Variants in UBE4B observed in about 807,000 individuals in gnomAD.
UBE4B encodes ubiquitin conjugation factor E4 B.
Under a neutral mutation model 148.1 loss-of-function variants are expected in UBE4B, and 27 were observed. That is an observed-to-expected ratio of 0.18 (90% CI 0.13 to 0.25). The LOEUF (loss-of-function observed/expected upper bound fraction) is 0.25. Among genes scored for constraint, UBE4B ranks in the 10% least tolerant of loss-of-function variants. UBE4B has a pLI of 1.00. For missense variants in UBE4B, 1,170 were observed against 1,662.4 expected, an observed-to-expected ratio of 0.70 and a Z score of 5.15; for synonymous variants, 596 against 619.3, an observed-to-expected ratio of 0.96 and a Z score of 0.56.
At chr1:10,072,825 A>G in intron 2 of UBE4B, 2 of 199,626 alleles carry the variant, frequency 1.0e-5, no homozygotes, top group Non-Finnish European at 2.0e-5. Flanking sequence ...TTTTCTATCA[A>G]ATATAGTATT....
At chr1:10,142,833 C>T (rs530008628) in intron 17 of UBE4B, among the ~76,000 whole-genome samples, 1 of 152,120 alleles carries the variant, frequency 6.6e-6, no homozygotes, top group African/African-American at 2.4e-5. Flanking sequence ...ATCTTTAGAT[C>T]TCCTTCGCTT....
chr1:10,171,305 C>A lies in UBE4B; in HGVS notation c.3501C>A (p.Phe1167Leu). 3 of 1,613,616 alleles carry A rather than the reference C, an allele frequency of 1.9e-6. No individual in the cohort carries two copies. The highest frequency in any genetic ancestry group is 2.5e-6 in the Non-Finnish European group (3 of 1,179,770). Residue 1167 changes from phenylalanine to leucine, a missense_variant, in exon 25 of 28, where the codon TTC (phenylalanine) becomes TTA (leucine). Phe to Leu is a conservative substitution (Grantham distance 22). This residue lies in a region of UBE4B where 348 missense variants were observed against 627.2 expected (regional missense o/e 0.55). Transcript: ENST00000343090. ...DIYLQLDCAR[F>L]AKAIADDQRS... Reference sequence around the variant, plus strand: ...ACTTACAGCTGGACTGTGCTCGGTTCGCGAAAGCCATTGCTGACGACCAGG... The same window carrying A: ...ACTTACAGCTGGACTGTGCTCGGTTAGCGAAAGCCATTGCTGACGACCAGG...
intron 2 of UBE4B, among the ~76,000 whole-genome samples, chr1:10,076,247 C>CTTTTTT (rs369214323): frequency 7.6e-6 from 1 of 131,650 alleles, no homozygotes. Flanking sequence ...TTCTTTCTTT[C>CTTTTTT]TTTTTTTTTT....
intron 1 of UBE4B, among the ~76,000 whole-genome samples, chr1:10,053,340 G>A (rs1007701903): frequency 3.3e-5 from 5 of 151,896 alleles, no homozygotes; most frequent in Non-Finnish European, 7.4e-5. Flanking sequence ...TAGTAGAGAC[G>A]GGGTTTCACT....
In UBE4B at chr1:10,132,364, T is replaced by C; in HGVS notation, c.1912-5T>C. 1 of 1,603,794 alleles carries C rather than the reference T, an allele frequency of 6.2e-7. No homozygotes were observed. ...TTGTTTCTTCTTTTTAAAAATAAATTTCAGCAAGAGCTTTTTAAGATTCTG... is the reference window on the plus strand; with the variant it reads ...TTGTTTCTTCTTTTTAAAAATAAATCTCAGCAAGAGCTTTTTAAGATTCTG... On this transcript the variant is annotated splice_polypyrimidine_tract_variant and splice_region_variant and intron_variant, in intron 14 of 27. Transcript: ENST00000343090.
chr1:10,075,919 A>G (rs1387675426), intron 2 of UBE4B, among the ~76,000 whole-genome samples: 1 of 152,072 alleles, frequency 6.6e-6, no homozygotes, highest in East Asian at 1.9e-4. Context: ...TGGTGCACAC[A>G]TGTAGTCCCA....
chr1:10,163,627 C>G (rs1028140454), intron 23 of UBE4B, among the ~76,000 whole-genome samples: 4 of 151,936 alleles, frequency 2.6e-5, no homozygotes, highest in Admixed American at 2.0e-4. Flanking sequence ...AAGATCGCAC[C>G]ACTGCACTCC....
chr1:10,046,235 T>C (rs1643909815), intron 1 of UBE4B, among the ~76,000 whole-genome samples: 1 of 152,156 alleles, frequency 6.6e-6, no homozygotes, highest in Non-Finnish European at 1.5e-5. Context: ...AGAAATAGTT[T>C]TTCTTGGGCA....
At chr1:10,094,822 G>A (rs760152395) in intron 2 of UBE4B, among the ~76,000 whole-genome samples, 1 of 151,870 alleles carries the variant, frequency 6.6e-6, no homozygotes, top group African/African-American at 2.4e-5. Context: ...ATGGAGTCTC[G>A]CTCTGTCACC....
intron 10 of UBE4B, among the ~76,000 whole-genome samples, chr1:10,125,649 A>G (rs1193343212): frequency 1.3e-5 from 2 of 152,208 alleles, no homozygotes; most frequent in South Asian, 2.1e-4. Context: ...GTTGTTTACA[A>G]CATTTCTATT....
rs1269541344 is a variant in UBE4B, at chr1:10,040,942, A to G, written c.24+7248A>G. ...GCCTAACATCCCCACCTCTTTGACC[A>G]TTTCTTCCCTTGTAACAGGCCTGAG... On this transcript the variant is annotated intron_variant, in intron 1 of 27. Coordinates refer to ENST00000343090, the MANE Select transcript of UBE4B (RefSeq NM_001105562.3). 2.0e-5 allele frequency among the ~76,000 whole-genome samples: 3 copies of G among 151,716 alleles called. No homozygotes were observed. The East Asian group carries it at 5.8e-4, about 29-fold the overall frequency.
intron 2 of UBE4B, among the ~76,000 whole-genome samples, chr1:10,086,095 C>A (rs1282118359): frequency 6.6e-6 from 1 of 152,144 alleles, no homozygotes; most frequent in Non-Finnish European, 1.5e-5. Flanking sequence ...CTTCAGCCTC[C>A]CGAGTAGCTG....
intron 15 of UBE4B, among the ~76,000 whole-genome samples, chr1:10,133,567 C>T (rs572504572): frequency 6.6e-6 from 1 of 152,070 alleles, no homozygotes; most frequent in African/African-American, 2.4e-5. Flanking sequence ...GAAACAATGT[C>T]ACATGATAAG....
intron 1 of UBE4B, among the ~76,000 whole-genome samples, chr1:10,064,393 GAGGAATTGT>G (rs1193241964): frequency 1.3e-5 from 2 of 152,166 alleles, no homozygotes; most frequent in Non-Finnish European, 2.9e-5. Context: ...TCGCATCTCC[GAGGAATTGT>G]AGTATTTCTA....
intron 21 of UBE4B, 84 bp downstream of exon 21, chr1:10,151,645 C>G: frequency 8.5e-7 from 1 of 1,174,960 alleles, no homozygotes; most frequent in Non-Finnish European, 1.2e-6. Flanking sequence ...TTGCTCTAAG[C>G]CTGTTACCTA....
chr1:10,056,482 G>C (rs1370528251), intron 1 of UBE4B, among the ~76,000 whole-genome samples: 1 of 152,178 alleles, frequency 6.6e-6, no homozygotes, highest in Non-Finnish European at 1.5e-5. Flanking sequence ...GGAATACAGC[G>C]GTGAATAAAC....
chr1:10,152,034 G>A (rs1483856002), intron 21 of UBE4B, among the ~76,000 whole-genome samples: 1 of 151,768 alleles, frequency 6.6e-6, no homozygotes, highest in Non-Finnish European at 1.5e-5. Context: ...CGAGGCGGGC[G>A]GATCACAAGG....
intron 2 of UBE4B, among the ~76,000 whole-genome samples, chr1:10,095,023 C>T (rs545078388): frequency 1.4e-3 from 211 of 152,354 alleles, no homozygotes; most frequent in Non-Finnish European, 2.7e-3. Context: ...AGGTGGTCCA[C>T]CTGCCTTGGC....
At chr1:10,066,356 T>TG (rs948993898) in intron 1 of UBE4B, among the ~76,000 whole-genome samples, 1 of 151,782 alleles carries the variant, frequency 6.6e-6, no homozygotes, top group African/African-American at 2.4e-5. Flanking sequence ...TTTGAACTTG[T>TG]GGGCTCAAGT....
Sources: gnomAD v4.1 joint callset for allele counts (sites outside exome capture counted in the v4.1 genomes callset) on GRCh38, gnomAD v4.1.1 for gene constraint, gnomAD v4.1.1 regional missense constraint, MANE v1.5 for transcripts, NCBI Gene and HGNC (gene_info 2026-07-23, HGNC 2026-07-21) for gene names.